The following COL21A1 variants were observed in gnomAD, a reference collection of about 807,000 sequenced individuals.
COL21A1 encodes the protein collagen type XXI alpha 1 chain.
COL21A1 carries 149 observed loss-of-function variants against 137.9 expected under a neutral mutation model. The ratio of observed to expected loss-of-function variants is 1.08; its 90% confidence interval spans 0.95 to 1.24. The LOEUF is 1.24. COL21A1 is among the 50% of genes most tolerant of loss of function. The probability of loss-of-function intolerance (pLI) is 0.00; values close to 1 mark genes in which losing one functional copy is unlikely to be tolerated. For missense variants in COL21A1, 1,167 were observed against 1,158.4 expected, an observed-to-expected ratio of 1.01 and a Z score of -0.11; for synonymous variants, 456 against 391.5, an observed-to-expected ratio of 1.16 and a Z score of -1.95.
chr6:56,359,517 T>C (rs1765918529), intron 1 of COL21A1, among the ~76,000 whole-genome samples: 1 of 152,224 alleles, frequency 6.6e-6, no homozygotes, highest in Non-Finnish European at 1.5e-5. Context: ...TTTTTCTGTT[T>C]ATGTCCTGTA....
intron 10 of COL21A1, among the ~76,000 whole-genome samples, chr6:56,147,609 C>A (rs992204314): frequency 1.2e-4 from 18 of 151,858 alleles, no homozygotes; most frequent in South Asian, 4.2e-4. Flanking sequence ...GCGTCAGTGA[C>A]CAATTCTTTG....
At chr6:56,356,570 G>T (rs1200275827) in intron 1 of COL21A1, among the ~76,000 whole-genome samples, 3 of 152,156 alleles carry the variant, frequency 2.0e-5, no homozygotes, top group Admixed American at 6.5e-5. Flanking sequence ...CTCATAAAAG[G>T]TATCCTTTGT....
intron 1 of COL21A1, among the ~76,000 whole-genome samples, chr6:56,330,876 A>G (rs1053947895): frequency 6.6e-6 from 1 of 152,140 alleles, no homozygotes; most frequent in Non-Finnish European, 1.5e-5. Context: ...AGAAATCTCC[A>G]TACTGTTTTC....
intron 1 of COL21A1, among the ~76,000 whole-genome samples, chr6:56,280,381 T>C (rs184096634): frequency 6.6e-6 from 1 of 152,102 alleles, no homozygotes; most frequent in African/African-American, 2.4e-5. Context: ...ATTCCTGATA[T>C]TATTATGGAT....
intron 1 of COL21A1, among the ~76,000 whole-genome samples, chr6:56,380,686 T>G (rs1251388085): frequency 6.6e-6 from 1 of 152,156 alleles, no homozygotes; most frequent in Non-Finnish European, 1.5e-5. Context: ...GTGCCATATT[T>G]TCCACATTTT....
intron 6 of COL21A1, 125 bp from the exon 7 acceptor site, chr6:56,167,108 A>G: frequency 1.5e-6 from 1 of 676,250 alleles, no homozygotes; most frequent in Non-Finnish European, 2.6e-6. Flanking sequence ...CACAGCATTT[A>G]GCTAAAACAA....
intron 18 of COL21A1, among the ~76,000 whole-genome samples, chr6:56,076,219 T>C (rs575706794): frequency 2.0e-5 from 3 of 151,504 alleles, no homozygotes; most frequent in Middle Eastern, 3.4e-3. Flanking sequence ...GAATCTTCAA[T>C]ACCTATGATG....
At chr6:56,295,882 A>G (rs1764154147) in intron 1 of COL21A1, among the ~76,000 whole-genome samples, 1 of 151,906 alleles carries the variant, frequency 6.6e-6, no homozygotes, top group East Asian at 1.9e-4. Flanking sequence ...GTCATCTGAA[A>G]ACAATTTTAT....
chr6:56,239,282 C>A (rs1782110468), intron 1 of COL21A1, among the ~76,000 whole-genome samples: 1 of 152,174 alleles, frequency 6.6e-6, no homozygotes, highest in African/African-American at 2.4e-5. Context: ...TAATCACATT[C>A]TAACAATCAT....
At chr6:56,201,642 A>G (rs1272312489) in intron 1 of COL21A1, among the ~76,000 whole-genome samples, 1 of 152,086 alleles carries the variant, frequency 6.6e-6, no homozygotes, top group East Asian at 1.9e-4. Context: ...AAATTTAAGA[A>G]TTCATTTGTA....
intron 16 of COL21A1, among the ~76,000 whole-genome samples, chr6:56,112,225 C>A (rs1771492343): frequency 6.6e-6 from 1 of 152,206 alleles, no homozygotes; most frequent in Middle Eastern, 3.4e-3. Context: ...ATAACTGAAT[C>A]TCCCTATGGG....
intron 12 of COL21A1, among the ~76,000 whole-genome samples, chr6:56,131,335 G>A (rs889033617): frequency 2.6e-5 from 4 of 151,262 alleles, no homozygotes; most frequent in African/African-American, 9.7e-5. Context: ...GGAAGTATTT[G>A]ACAAGGTACT....
rs73450950 is a variant in COL21A1, at chr6:56,357,361, T to C, written c.-39+36610A>G. On this transcript the variant is annotated intron_variant, in intron 1 of 28. Coordinates refer to the COL21A1 transcript ENST00000370819. ...ATCTTACAATTGCCATCCGTAAGAG[T>C]GTAGCTGCATGTAGCTATCATCGCC... Among the ~76,000 whole-genome samples, 5 of 151,994 alleles carry C rather than the reference T, an allele frequency of 3.3e-5. No individual in the cohort carries two copies. The East Asian group carries it at 9.6e-4, about 29-fold the overall frequency.
At chr6:56,224,651 T>C (rs1781076606) in intron 1 of COL21A1, among the ~76,000 whole-genome samples, 1 of 152,040 alleles carries the variant, frequency 6.6e-6, no homozygotes, top group South Asian at 2.1e-4. Flanking sequence ...AATCAGCAGA[T>C]GTAACTAAAT....
At chr6:56,300,696 A>G (rs1764258774) in intron 1 of COL21A1, among the ~76,000 whole-genome samples, 1 of 152,142 alleles carries the variant, frequency 6.6e-6, no homozygotes, top group South Asian at 2.1e-4. Flanking sequence ...CATTGCTTTC[A>G]TTAGCCCAAG....
chr6:56,102,193 A>G (rs1405032406), intron 16 of COL21A1, among the ~76,000 whole-genome samples: 3 of 152,184 alleles, frequency 2.0e-5, no homozygotes, highest in Non-Finnish European at 4.4e-5. Flanking sequence ...TGTATCTGAC[A>G]CTTCTTCTAC....
intron 1 of COL21A1, among the ~76,000 whole-genome samples, chr6:56,253,686 C>T (rs1055652327): frequency 6.6e-6 from 1 of 152,178 alleles, no homozygotes; most frequent in Non-Finnish European, 1.5e-5. Context: ...CTAAATTGAA[C>T]ACGCAAAAGC....
At position 56,170,787 on chromosome 6, in the gene COL21A1, A is replaced by G; in HGVS notation, c.888T>C (p.Asp296=). The change falls in exon 5 of 30, where the codon GAT becomes GAC. Residue 296 remains aspartate (D), a synonymous_variant. Transcript: ENST00000244728. The part of the protein sequence containing the change: ...TQRFKVKKIW[D]LWRILTIDGR... The stretch of plus-strand genomic sequence containing the variant: ...CATCAATAGTTAATATTCTCCATAA[A>G]TCCCAAATTTTCTTGACTTTAAATC... The G allele has an allele frequency of 3.7e-6, 6 of 1,609,642 alleles. No individual in the cohort carries two copies. In the South Asian group the frequency reaches 6.6e-5, roughly 18 times the overall value.
chr6:56,067,165 A>C (rs1766334893), intron 23 of COL21A1, 130 bp downstream of exon 23: 3 of 759,116 alleles, frequency 4.0e-6, no homozygotes. Flanking sequence ...GCTCAATAGC[A>C]AAAGGAGAAA....
Sources: allele counts gnomAD v4.1 joint callset (sites outside exome capture counted in the v4.1 genomes callset), GRCh38; gene constraint gnomAD v4.1.1; transcripts MANE v1.5; gene names NCBI Gene and HGNC (gene_info 2026-07-23, HGNC 2026-07-21).